The following EBF3 variants were observed in gnomAD, a reference collection of about 807,000 sequenced individuals.
EBF3 encodes the protein transcription factor COE3.
Under a neutral mutation model 77.1 loss-of-function variants are expected in EBF3, and 18 were observed. The observed-to-expected ratio is 0.23, with a 90% CI of 0.16 to 0.35. EBF3 has a LOEUF of 0.35. Among genes scored for constraint, EBF3 ranks in the 10% least tolerant of loss-of-function variants. The probability of loss-of-function intolerance (pLI) is 1.00; values close to 1 mark genes in which losing one functional copy is unlikely to be tolerated. For synonymous variants in EBF3, 350 were observed against 343.5 expected (o/e 1.02, Z -0.21); for missense variants, 558 against 860.0 (o/e 0.65, Z 4.39).
chr10:129,951,932 A>G (rs1487084060), intron 6 of EBF3, among the ~76,000 whole-genome samples: 1 of 152,258 alleles, frequency 6.6e-6, no homozygotes, highest in Non-Finnish European at 1.5e-5. Context: ...GAATGAATGC[A>G]GTGAACTTTT....
intron 6 of EBF3, among the ~76,000 whole-genome samples, chr10:129,918,757 T>C (rs1856067654): frequency 2.0e-5 from 3 of 152,240 alleles, no homozygotes; most frequent in Admixed American, 2.0e-4. Context: ...CTGTCCTTGC[T>C]GGAATCTGGG....
In EBF3 at chr10:129,885,014, A is replaced by G. The variant is rs1853473336; in HGVS notation, c.555-7165T>C. On this transcript the variant is annotated intron_variant, in intron 6 of 16. Coordinates refer to ENST00000440978, the MANE Select transcript of EBF3 (RefSeq NM_001375380.1). The surrounding 1 kb of genome is among the most constrained non-coding windows in gnomAD (Gnocchi z 4.0). ...AAATACCTCACTATCGAACATTATT[A>G]GGTTTAGAAAATTAACCCTTCACAG... is the stretch of plus-strand genomic sequence containing the variant. 6.6e-6 allele frequency among the ~76,000 whole-genome samples: 1 copy of G among 152,288 alleles called. No individual in the cohort carries two copies. Among genetic ancestry groups the G allele is most frequent in the South Asian group, 2.1e-4 (1 of 4,820 alleles).
At chr10:129,914,606 C>A (rs921991168) in intron 6 of EBF3, among the ~76,000 whole-genome samples, 11 of 152,112 alleles carry the variant, frequency 7.2e-5, no homozygotes, top group African/African-American at 2.2e-4. Flanking sequence ...GAGAAGGCTA[C>A]CCCTTCACCT....
chr10:129,922,724 A>C lies in EBF3; in HGVS notation c.554+34534T>G, dbSNP rs544625391. Among the ~76,000 whole-genome samples the C allele has an allele frequency of 3.2e-3, 489 of 152,334 alleles. 4 individuals carry two copies. Among genetic ancestry groups the C allele is most frequent in the South Asian group, 0.018 (85 of 4,826 alleles). On this transcript the variant is annotated intron_variant, in intron 6 of 16. Transcript: ENST00000440978. The stretch of plus-strand genomic sequence containing the variant: ...ACGAACCCCTGCGTCACGGACTGTG[A>C]ACCCCGACTGCAGCCCTCCTGACCC...
At chr10:129,962,125 C>A in intron 4 of EBF3, 46 bp downstream of exon 4, 1 of 1,607,876 alleles carries the variant, frequency 6.2e-7, no homozygotes, top group Non-Finnish European at 8.5e-7. Context: ...CCAGGACAAC[C>A]CAGGCCCAGC....
In EBF3 at chr10:129,869,623, C is replaced by T. The variant is rs147120429; in HGVS notation, c.782-1711G>A. On this transcript the variant is annotated intron_variant, in intron 8 of 16. Transcript: ENST00000440978. ...GCGTGCCGTGGTTTCCCTGACAGGTCAGAGGCAGCGCCGTGCAGACACTGT... is the reference window on the plus strand; with the variant it reads ...GCGTGCCGTGGTTTCCCTGACAGGTTAGAGGCAGCGCCGTGCAGACACTGT... 7.1e-3 allele frequency among the ~76,000 whole-genome samples: 1,076 copies of T among 152,346 alleles called. 10 individuals are homozygous for T. The highest frequency in any genetic ancestry group is 9.4e-3 in the Non-Finnish European group (640 of 68,034).
At chr10:129,849,805 A>T (rs2133986986) in intron 10 of EBF3, among the ~76,000 whole-genome samples, 1 of 152,318 alleles carries the variant, frequency 6.6e-6, no homozygotes, top group African/African-American at 2.4e-5. Context: ...TTTTGCTGGG[A>T]TTTTGCCCTC....
intron 6 of EBF3, among the ~76,000 whole-genome samples, chr10:129,951,114 T>C (rs778110263): frequency 6.6e-6 from 1 of 152,240 alleles, no homozygotes; most frequent in Non-Finnish European, 1.5e-5. Flanking sequence ...CCTCCTGGTC[T>C]GTCTCCTAAA....
chr10:129,858,047 A>G (rs1851375053), intron 10 of EBF3, among the ~76,000 whole-genome samples: 1 of 152,214 alleles, frequency 6.6e-6, no homozygotes. Flanking sequence ...GAGGAAGGGG[A>G]GCAGTCCCCT....
rs551776398 is a variant in EBF3 at position 129,941,741 on chromosome 10, G to C, written c.554+15517C>G. ...GAGGCAGGAACCCCTCAAGGAGGCA[G>C]AGCTTGGGGACAGGACCAGGCTGGC... On this transcript the variant is annotated intron_variant, in intron 6 of 16. Transcript: ENST00000440978. 3.3e-5 allele frequency among the ~76,000 whole-genome samples: 5 copies of C among 152,380 alleles called. No homozygotes were observed. In the South Asian group the frequency reaches 1.0e-3, roughly 32 times the overall value.
At chr10:129,956,662 A>C (rs905567575) in intron 6 of EBF3, among the ~76,000 whole-genome samples, 1 of 152,240 alleles carries the variant, frequency 6.6e-6, no homozygotes, top group Non-Finnish European at 1.5e-5. Flanking sequence ...CAGCTAATCG[A>C]GTTATGAAAA....
intron 10 of EBF3, among the ~76,000 whole-genome samples, chr10:129,865,686 G>C (rs1313739586): frequency 2.6e-5 from 4 of 152,162 alleles, no homozygotes; most frequent in Admixed American, 1.3e-4. Flanking sequence ...ATGTACAGTG[G>C]GCAGCGGCAG....
chr10:129,838,745 T>C (rs1358554226), intron 16 of EBF3, among the ~76,000 whole-genome samples: 1 of 152,286 alleles, frequency 6.6e-6, no homozygotes, highest in Non-Finnish European at 1.5e-5. Context: ...TTCTCATTAA[T>C]TTATGTATAA....
chr10:129,876,118 G>A (rs933653477), intron 7 of EBF3, among the ~76,000 whole-genome samples: 8 of 152,174 alleles, frequency 5.3e-5, no homozygotes, highest in African/African-American at 1.9e-4. Context: ...AGCAGAGAGA[G>A]CAGGCAAGCT....
At chr10:129,849,254 A>G (rs1429706595) in intron 10 of EBF3, among the ~76,000 whole-genome samples, 1 of 152,188 alleles carries the variant, frequency 6.6e-6, no homozygotes, top group Non-Finnish European at 1.5e-5. Flanking sequence ...CTCCAACAAA[A>G]ACTGAGCCTG....
At chr10:129,840,636 T>TA (rs1263375824) in intron 14 of EBF3, among the ~76,000 whole-genome samples, 194 bp from the exon 15 acceptor site, 18 of 152,160 alleles carry the variant, frequency 1.2e-4, no homozygotes, top group Admixed American at 1.2e-3. Context: ...AGCAGCCCAT[T>TA]TTGTTCTGAT....
chr10:129,843,100 G>GT (rs773866474), intron 12 of EBF3, 37 bp downstream of exon 12: 16 of 1,604,160 alleles, frequency 1.0e-5, no homozygotes, highest in African/African-American at 4.0e-5. Context: ...TCTGGCATGG[G>GT]GGGGAGGATG....
Position 129,863,462 on chromosome 10 carries a change from T to C in EBF3, c.1039+3679A>G, listed in dbSNP as rs945297945. Among the ~76,000 whole-genome samples, 2 of 152,242 alleles carry C rather than the reference T, an allele frequency of 1.3e-5. No individual in the cohort carries two copies. Among genetic ancestry groups the C allele is most frequent in the Admixed American group, 6.5e-5 (1 of 15,286 alleles). Reference sequence around the variant, plus strand: ...AAATCTGGTGTTTCTCAGATCACTGTAAACAGATCATTGAGGCCCTTTGCA... The same window carrying C: ...AAATCTGGTGTTTCTCAGATCACTGCAAACAGATCATTGAGGCCCTTTGCA... On this transcript the variant is annotated intron_variant, in intron 10 of 16. Coordinates refer to ENST00000440978, the MANE Select transcript of EBF3 (RefSeq NM_001375380.1). This position sits in a 1 kb window ranked among gnomAD's most constrained non-coding sequence, Gnocchi z 4.0.
At position 129,842,607 on chromosome 10, in the gene EBF3, T is replaced by C. The variant is rs1024163821; in HGVS notation, c.1195-314A>G. On this transcript the variant is annotated intron_variant, in intron 12 of 16. Coordinates refer to ENST00000440978, the MANE Select transcript of EBF3 (RefSeq NM_001375380.1). The surrounding 1 kb of genome is among the most constrained non-coding windows in gnomAD (Gnocchi z 4.4). ...GGCGAAATCCCATCTCTAATGAAAA[T>C]ACAAAAATTAGCCGGGTGTGTTGGC... is the stretch of plus-strand genomic sequence containing the variant. Among the ~76,000 whole-genome samples, 10 of 151,412 alleles carry C rather than the reference T, an allele frequency of 6.6e-5. No homozygotes were observed. The highest frequency in any genetic ancestry group is 2.4e-4 in the African/African-American group (10 of 41,168).
Sources: gnomAD v4.1 joint callset for allele counts (sites outside exome capture counted in the v4.1 genomes callset) on GRCh38, gnomAD v4.1.1 for gene constraint, Gnocchi (gnomAD v3.1) non-coding constraint, MANE v1.5 for transcripts, NCBI Gene and HGNC (gene_info 2026-07-23, HGNC 2026-07-21) for gene names.